Variants in CAMTA1 observed in about 807,000 individuals in gnomAD.
The protein encoded by CAMTA1 is calmodulin binding transcription activator 1, also known as calmodulin-binding transcription activator 1.
CAMTA1 carries 27 observed loss-of-function variants against 170.9 expected under a neutral mutation model. The ratio of observed to expected loss-of-function variants is 0.16; its 90% CI spans 0.12 to 0.22. The LOEUF (loss-of-function observed/expected upper bound fraction) is 0.22. Ranked by LOEUF, CAMTA1 falls within the 10% of genes least tolerant of loss-of-function variation. The pLI is 1.00. For missense variants in CAMTA1, 1,619 were observed against 2,217.2 expected (o/e 0.73, Z 5.42); for synonymous variants, 833 against 891.5 (o/e 0.93, Z 1.17).
Position 7,664,611 on chromosome 1 carries a change from G to A in CAMTA1, c.2064G>A (p.Gly688=). Residue 688 remains glycine, a synonymous_variant, in exon 9 of 23, where the codon GGG becomes GGA. Transcript: ENST00000303635. ...QANFQAMTAE[G]EVTMETSQAA... ...ACTTCCAGGCCATGACGGCAGAAGG[G>A]GAGGTCACCATGGAGACCTCGCAGG... 6.2e-7 allele frequency: 1 copy of A among 1,611,144 alleles called. No homozygotes were observed. Among genetic ancestry groups the A allele is most frequent in the Non-Finnish European group, 8.5e-7 (1 of 1,178,404 alleles).
At chr1:6,935,898 G>C (rs2149395188) in intron 3 of CAMTA1, among the ~76,000 whole-genome samples, 1 of 152,274 alleles carries the variant, frequency 6.6e-6, no homozygotes, top group South Asian at 2.1e-4. Flanking sequence ...GGAGGGGTGG[G>C]CTCAGGGTCT....
intron 3 of CAMTA1, among the ~76,000 whole-genome samples, chr1:6,949,193 A>C (rs1688046946): frequency 6.6e-6 from 1 of 152,124 alleles, no homozygotes; most frequent in South Asian, 2.1e-4. Context: ...CCCATACTTG[A>C]GTGTTCCTGG....
At chr1:7,210,804 G>T (rs1658611599) in intron 4 of CAMTA1, among the ~76,000 whole-genome samples, 1 of 152,050 alleles carries the variant, frequency 6.6e-6, no homozygotes, top group African/African-American at 2.4e-5. Flanking sequence ...TTCTATCTTA[G>T]TGAGTGACAT....
At chr1:7,729,114 C>CTTTTTTTTTTTTTTTTTTTTTTTTTTT (rs146252158) in intron 11 of CAMTA1, among the ~76,000 whole-genome samples, 1 of 142,280 alleles carries the variant, frequency 7.0e-6, no homozygotes. Context: ...TATGAGGAAT[C>CTTTTTTTTTTTTTTTTTTTTTTTTTTT]TTTTTTTTTC....
intron 12 of CAMTA1, among the ~76,000 whole-genome samples, chr1:7,733,125 C>G (rs567923661): frequency 6.6e-6 from 1 of 151,948 alleles, no homozygotes; most frequent in East Asian, 1.9e-4. Context: ...TCACTTGAGC[C>G]CGGGAGGTTG....
chr1:6,785,665 G>A (rs1048641492), intron 1 of CAMTA1, 90 bp downstream of exon 1: 3 of 530,812 alleles, frequency 5.7e-6, no homozygotes, highest in Non-Finnish European at 7.2e-6. Context: ...GCGGCGCCGG[G>A]CGGGAGCGCG....
At chr1:7,613,730 G>A (rs2095539200) in intron 6 of CAMTA1, among the ~76,000 whole-genome samples, 1 of 151,594 alleles carries the variant, frequency 6.6e-6, no homozygotes, top group Admixed American at 6.6e-5. Flanking sequence ...TGGCGGGGGC[G>A]GGGCAGGCCG....
chr1:7,421,065 C>T (rs1475520358), intron 5 of CAMTA1, among the ~76,000 whole-genome samples: 1 of 152,196 alleles, frequency 6.6e-6, no homozygotes, highest in Non-Finnish European at 1.5e-5. Context: ...TGTCTTCTGG[C>T]CTTCATCCAG....
At chr1:7,677,783 C>T in intron 11 of CAMTA1, 50 bp downstream of exon 11, 1 of 1,577,648 alleles carries the variant, frequency 6.3e-7, no homozygotes, top group Non-Finnish European at 8.6e-7. Context: ...GAGAGGGATG[C>T]TTGGGGACTC....
chr1:7,487,094 C>T (rs973229053), intron 6 of CAMTA1, among the ~76,000 whole-genome samples: 28 of 152,236 alleles, frequency 1.8e-4, no homozygotes, highest in Admixed American at 4.6e-4. Flanking sequence ...TCAATGAGCA[C>T]AGATGCTCCT....
At chr1:7,490,575 C>G (rs1393512993) in intron 6 of CAMTA1, among the ~76,000 whole-genome samples, 1 of 152,162 alleles carries the variant, frequency 6.6e-6, no homozygotes, top group Non-Finnish European at 1.5e-5. Flanking sequence ...TCGCTTGAAC[C>G]CAGGAGGCGG....
chr1:7,427,459 C>G (rs2091922824), intron 5 of CAMTA1, among the ~76,000 whole-genome samples: 1 of 152,158 alleles, frequency 6.6e-6, no homozygotes. Flanking sequence ...ATCCAAGCTG[C>G]AGGAAGCTCT....
chr1:7,606,354 C>T (rs775518005), intron 6 of CAMTA1, among the ~76,000 whole-genome samples: 2 of 152,146 alleles, frequency 1.3e-5, no homozygotes, highest in African/African-American at 2.4e-5. Flanking sequence ...TAAGATGGCA[C>T]TTGTTGGGCA....
chr1:7,283,288 T>C (rs1671778415), intron 5 of CAMTA1, among the ~76,000 whole-genome samples: 1 of 152,170 alleles, frequency 6.6e-6, no homozygotes, highest in Admixed American at 6.5e-5. Flanking sequence ...CTCATGTCCT[T>C]GCATATGCTT....
At chr1:7,491,107 G>T (rs989604357) in intron 6 of CAMTA1, among the ~76,000 whole-genome samples, 4 of 152,114 alleles carry the variant, frequency 2.6e-5, no homozygotes, top group African/African-American at 9.7e-5. Flanking sequence ...CTCTAGCATG[G>T]TCTACCTCCA....
At chr1:7,724,271 G>A (rs1163347256) in intron 11 of CAMTA1, among the ~76,000 whole-genome samples, 4 of 152,102 alleles carry the variant, frequency 2.6e-5, no homozygotes, top group African/African-American at 4.8e-5. Context: ...TGCTAAAATC[G>A]GTTTCAAGTC....
rs1016204332 is a variant in CAMTA1, at chr1:6,965,148, A to G, written c.235-126156A>G. Among the ~76,000 whole-genome samples, 2 of 152,196 alleles carry G rather than the reference A, an allele frequency of 1.3e-5. No homozygotes were observed. The highest frequency in any genetic ancestry group is 2.9e-5 in the Non-Finnish European group (2 of 68,030). On this transcript the variant is annotated intron_variant, in intron 3 of 22. Transcript: ENST00000303635. This position sits in a 1 kb window ranked among gnomAD's most constrained non-coding sequence, Gnocchi z 4.1. Reference sequence around the variant, plus strand: ...TGTATTTCTGGTGAGATGTATTAATATGTGAAAGCCACTTCGGGAAAAGTA... The same window carrying G: ...TGTATTTCTGGTGAGATGTATTAATGTGTGAAAGCCACTTCGGGAAAAGTA...
intron 5 of CAMTA1, among the ~76,000 whole-genome samples, chr1:7,423,487 A>G (rs1054446789): frequency 9.2e-5 from 14 of 151,560 alleles, no homozygotes; most frequent in African/African-American, 3.2e-4. Flanking sequence ...AAAAAAAAAA[A>G]AAAGAACCAG....
chr1:7,602,126 TCCTTCCTTCCTTCCTTCCTC>T (rs1391984422), intron 6 of CAMTA1, among the ~76,000 whole-genome samples: 107 of 126,302 alleles, frequency 8.5e-4, no homozygotes, highest in African/African-American at 3.8e-3. Context: ...CTTCCTTCCT[TCCTTCCTTCCTTCCTTCCTC>T]CCTCCCTCCC....
Sources: allele counts gnomAD v4.1 joint callset (sites outside exome capture counted in the v4.1 genomes callset), GRCh38; gene constraint gnomAD v4.1.1; non-coding constraint Gnocchi (gnomAD v3.1); transcripts MANE v1.5; gene names NCBI Gene and HGNC (gene_info 2026-07-23, HGNC 2026-07-21).